The following TRERF1 variants were observed in gnomAD, a reference collection of about 807,000 sequenced individuals.
The protein encoded by TRERF1 is transcriptional-regulating factor 1.
Under a neutral mutation model 122.9 loss-of-function variants are expected in TRERF1, and 27 were observed. The observed-to-expected ratio is 0.22, with a 90% confidence interval of 0.16 to 0.30. The LOEUF (loss-of-function observed/expected upper bound fraction) is 0.30, where lower values mean the gene tolerates loss of function less well. Among genes scored for constraint, TRERF1 ranks in the 10% least tolerant of loss-of-function variants. The pLI, the probability that TRERF1 is intolerant of heterozygous loss-of-function variation, is 1.00. For missense variants in TRERF1, 1,248 were observed against 1,560.3 expected, an observed-to-expected ratio of 0.80 and a Z score of 3.37; for synonymous variants, 636 against 641.7, an observed-to-expected ratio of 0.99 and a Z score of 0.13.
Position 42,298,470 on chromosome 6 carries a change from A to G in TRERF1, c.-259+2168T>C, listed in dbSNP as rs1785482124. On this transcript the variant is annotated intron_variant, in intron 4 of 17. Transcript: ENST00000372922. ...TCCCCCGGCCAGAAGATAGATTTGA[A>G]TAAATTATTCAGAGTTCAGCACAGA... 1.3e-5 allele frequency among the ~76,000 whole-genome samples: 2 copies of G among 151,964 alleles called. 1 individual carries two copies. The highest frequency in any genetic ancestry group is 4.2e-4 in the South Asian group (2 of 4,802).
At position 42,312,633 on chromosome 6, in the gene TRERF1, C is replaced by T. The variant is rs116195615; in HGVS notation, c.-370-11884G>A. 4.8e-3 allele frequency among the ~76,000 whole-genome samples: 730 copies of T among 152,284 alleles called. 4 individuals carry two copies. Among genetic ancestry groups the T allele is most frequent in the African/African-American group, 0.017 (696 of 41,554 alleles). ...GCCGAGGTCTGGGCATCTGCACCTT[C>T]GGGAGCAGATACAGATGCTCCATCC... is the stretch of plus-strand genomic sequence containing the variant. On this transcript the variant is annotated intron_variant, in intron 3 of 17. Coordinates refer to ENST00000372922, the Ensembl canonical transcript of TRERF1.
chr6:42,323,584 A>G (rs1422889767), intron 3 of TRERF1, among the ~76,000 whole-genome samples: 7 of 152,158 alleles, frequency 4.6e-5, no homozygotes, highest in African/African-American at 1.7e-4. Context: ...GATACCTATG[A>G]AGCAATAATC....
intron 3 of TRERF1, among the ~76,000 whole-genome samples, chr6:42,360,770 TTAAAAAA>T (rs1562061247): frequency 3.1e-5 from 2 of 64,044 alleles, no homozygotes; most frequent in South Asian, 6.0e-4. Context: ...AGTGGAGAGA[TTAAAAAA>T]AAAAAAAAAA....
chr6:42,243,305 G>C lies in TRERF1; in HGVS notation c.2802C>G (p.Ile934Met), dbSNP rs1014072187. The change falls in exon 15 of 18, where the codon ATC (isoleucine) becomes ATG (methionine). Residue 934 changes from isoleucine to methionine, a missense_variant. Ile to Met is a conservative substitution (Grantham distance 10, BLOSUM62 1). Transcript: ENST00000372922. The stretch of plus-strand genomic sequence containing the variant: ...TCCGGTGTTTCCGCCCCAGCCGCAT[G>C]ATCTTTTTCCACGTGTAGTAGTACT... 1.4e-5 allele frequency: 22 copies of C among 1,614,060 alleles called. No individual in the cohort carries two copies. Among genetic ancestry groups the C allele is most frequent in the Non-Finnish European group, 1.9e-5 (22 of 1,180,048 alleles).
chr6:42,397,648 C>G (rs1778818925), intron 2 of TRERF1, among the ~76,000 whole-genome samples: 1 of 152,124 alleles, frequency 6.6e-6, no homozygotes, highest in African/African-American at 2.4e-5. Flanking sequence ...CATTTATTTT[C>G]CAATAAAAAC....
chr6:42,324,835 A>G (rs1764012527), intron 3 of TRERF1, among the ~76,000 whole-genome samples: 1 of 152,192 alleles, frequency 6.6e-6, no homozygotes. Flanking sequence ...TCTGGACGTC[A>G]GCCTTGGAAA....
intron 2 of TRERF1, among the ~76,000 whole-genome samples, chr6:42,373,598 C>T (rs956006104): frequency 2.6e-5 from 4 of 152,048 alleles, no homozygotes; most frequent in Admixed American, 6.5e-5. Flanking sequence ...ACCCCAGAGG[C>T]GGAGCTTGCA....
At chr6:42,334,567 G>A (rs144972710) in intron 3 of TRERF1, among the ~76,000 whole-genome samples, 2 of 152,314 alleles carry the variant, frequency 1.3e-5, no homozygotes, top group African/African-American at 4.8e-5. Flanking sequence ...ATCTAGGCCT[G>A]TCCCTTAGAC....
At chr6:42,352,026 C>T (rs1288759861) in intron 3 of TRERF1, among the ~76,000 whole-genome samples, 2 of 152,018 alleles carry the variant, frequency 1.3e-5, no homozygotes, top group Non-Finnish European at 2.9e-5. Flanking sequence ...GTTTTTGAGA[C>T]AGGGTCCCAA....
At chr6:42,242,248 A>G (rs1426283697) in intron 15 of TRERF1, among the ~76,000 whole-genome samples, 5 of 152,202 alleles carry the variant, frequency 3.3e-5, no homozygotes, top group Non-Finnish European at 5.9e-5. Context: ...AATGAATTAC[A>G]TTGGATTAAA....
chr6:42,386,092 A>G (rs992891865), intron 2 of TRERF1, among the ~76,000 whole-genome samples: 42 of 152,210 alleles, frequency 2.8e-4, no homozygotes, highest in Admixed American at 2.0e-3. Context: ...GCGGTGGCTC[A>G]CGCCTATAAT....
chr6:42,250,050 G>C (rs1775479829), intron 13 of TRERF1, among the ~76,000 whole-genome samples: 1 of 152,188 alleles, frequency 6.6e-6, no homozygotes. Context: ...AGTCACCTTA[G>C]GTTGTAAACC....
intron 2 of TRERF1, among the ~76,000 whole-genome samples, chr6:42,436,814 A>T (rs12665085): frequency 0.18 from 11,785 of 66,460 alleles, 1,257 homozygotes; most frequent in Admixed American, 0.26. Context: ...AAAAAAAAAA[A>T]ATATATATAT....
intron 17 of TRERF1, among the ~76,000 whole-genome samples, chr6:42,231,590 G>A (rs1006447386): frequency 6.6e-6 from 1 of 152,118 alleles, no homozygotes; most frequent in Non-Finnish European, 1.5e-5. Context: ...TTTCATGCTC[G>A]AGGCACTAGG....
At chr6:42,346,752 C>T (rs927529604) in intron 3 of TRERF1, among the ~76,000 whole-genome samples, 7 of 152,160 alleles carry the variant, frequency 4.6e-5, no homozygotes, top group East Asian at 1.9e-4. Flanking sequence ...CAAACCAGGA[C>T]GAGTTGGTCA....
At chr6:42,392,703 T>C (rs1237223971) in intron 2 of TRERF1, among the ~76,000 whole-genome samples, 1 of 152,168 alleles carries the variant, frequency 6.6e-6, no homozygotes, top group Non-Finnish European at 1.5e-5. Context: ...TATGGGTCTC[T>C]GATAGCCATC....
chr6:42,324,900 G>C (rs759176280), intron 3 of TRERF1, among the ~76,000 whole-genome samples: 1 of 152,098 alleles, frequency 6.6e-6, no homozygotes, highest in African/African-American at 2.4e-5. Flanking sequence ...AAATTGACAA[G>C]TAGGGCCTAA....
At chr6:42,374,110 C>T (rs1774322761) in intron 2 of TRERF1, among the ~76,000 whole-genome samples, 1 of 145,192 alleles carries the variant, frequency 6.9e-6, no homozygotes, top group Admixed American at 6.9e-5. Context: ...TCCAGCCTGG[C>T]AACAAAGTGA....
At chr6:42,402,933 C>T (rs1055519178) in intron 2 of TRERF1, among the ~76,000 whole-genome samples, 1 of 151,974 alleles carries the variant, frequency 6.6e-6, no homozygotes, top group Non-Finnish European at 1.5e-5. Flanking sequence ...GACTCACACC[C>T]GCTTCTGTGG....
Sources: gnomAD v4.1 joint callset for allele counts (sites outside exome capture counted in the v4.1 genomes callset) on GRCh38, gnomAD v4.1.1 for gene constraint, MANE v1.5 for transcripts, NCBI Gene and HGNC (gene_info 2026-07-23, HGNC 2026-07-21) for gene names.